CDH8: variants seen among roughly 807,000 people sequenced by gnomAD.
The protein encoded by CDH8 is cadherin-8.
Under a neutral mutation model 68.1 loss-of-function variants are expected in CDH8, and 17 were observed. That is an observed-to-expected ratio of 0.25 (90% CI 0.17 to 0.37). CDH8 has a LOEUF of 0.37. CDH8 is among the 10% of genes least tolerant of loss of function. The pLI is 1.00. For synonymous variants in CDH8, 372 were observed against 365.1 expected, an observed-to-expected ratio of 1.02 and a Z score of -0.21; for missense variants, 763 against 999.3, an observed-to-expected ratio of 0.76 and a Z score of 3.19.
chr16:61,725,771 T>C (rs542990537), intron 9 of CDH8: 1 of 151,120 alleles, frequency 6.6e-6, no homozygotes, highest in South Asian at 2.1e-4. Context: ...TTTAAGCTAA[T>C]GTTAGAATAT....
At chr16:61,838,996 ATAAG>A (rs1395062439) in intron 4 of CDH8, among the ~76,000 whole-genome samples, 1 of 152,130 alleles carries the variant, frequency 6.6e-6, no homozygotes, top group East Asian at 1.9e-4. Context: ...GTACAGCATA[ATAAG>A]TGACTTACTC....
chr16:61,831,749 A>T (rs1962459056), intron 4 of CDH8, among the ~76,000 whole-genome samples: 1 of 151,776 alleles, frequency 6.6e-6, no homozygotes, highest in Non-Finnish European at 1.5e-5. Context: ...TGTCATTTTG[A>T]AGGCTGATTA....
At chr16:62,024,028 T>A (rs1373072981) in intron 1 of CDH8, among the ~76,000 whole-genome samples, 2 of 152,200 alleles carry the variant, frequency 1.3e-5, no homozygotes, top group East Asian at 3.9e-4. Flanking sequence ...CTATTATTTT[T>A]AGAATTGGGG....
At chr16:61,683,722 G>A (rs1964053670) in intron 10 of CDH8, among the ~76,000 whole-genome samples, 1 of 151,926 alleles carries the variant, frequency 6.6e-6, no homozygotes, top group South Asian at 2.1e-4. Flanking sequence ...ATTTCTCACT[G>A]CCCTCCCATT....
At chr16:61,753,239 CTTT>C (rs59736911) in intron 8 of CDH8, among the ~76,000 whole-genome samples, 1 of 143,976 alleles carries the variant, frequency 6.9e-6, no homozygotes, top group Non-Finnish European at 1.5e-5. Flanking sequence ...ATATTTCTTT[CTTT>C]TTTTTTTTTT....
At chr16:61,689,178 C>T (rs1210012388) in intron 10 of CDH8, among the ~76,000 whole-genome samples, 3 of 151,998 alleles carry the variant, frequency 2.0e-5, no homozygotes, top group Non-Finnish European at 4.4e-5. Context: ...AACTGTCCTT[C>T]TCTCTGTTAC....
At chr16:61,655,844 T>A in intron 10 of CDH8, 123 bp from the exon 11 acceptor site, 1 of 769,650 alleles carries the variant, frequency 1.3e-6, no homozygotes, top group Non-Finnish European at 2.0e-6. Flanking sequence ...AAAGGACTGC[T>A]CAGGCTTTTT....
intron 2 of CDH8, among the ~76,000 whole-genome samples, chr16:61,968,669 A>G (rs534026646): frequency 4.6e-5 from 7 of 152,372 alleles, no homozygotes; most frequent in African/African-American, 1.7e-4. Context: ...GACTCCAAGC[A>G]TAATAAACTC....
At chr16:61,941,622 A>G (rs538821577) in intron 2 of CDH8, among the ~76,000 whole-genome samples, 7 of 152,268 alleles carry the variant, frequency 4.6e-5, no homozygotes, top group Admixed American at 2.6e-4. Flanking sequence ...GATAACTTTT[A>G]GTAGAGACAG....
At chr16:61,793,813 A>T (rs2142995144) in intron 7 of CDH8, among the ~76,000 whole-genome samples, 1 of 152,098 alleles carries the variant, frequency 6.6e-6, no homozygotes, top group African/African-American at 2.4e-5. Context: ...TCTCTAGGTA[A>T]CTGAGGAATC....
At chr16:62,014,775 G>A (rs1369249517) in intron 2 of CDH8, among the ~76,000 whole-genome samples, 2 of 152,114 alleles carry the variant, frequency 1.3e-5, no homozygotes, top group African/African-American at 4.8e-5. Context: ...CAGCAAGAGA[G>A]TTACATCCAA....
chr16:61,917,755 C>A (rs990008810), intron 2 of CDH8, among the ~76,000 whole-genome samples: 3 of 152,122 alleles, frequency 2.0e-5, no homozygotes, highest in African/African-American at 7.2e-5. Context: ...ACCTTCTTTG[C>A]ACAGGGTACT....
At chr16:61,929,981 C>T (rs1205191834) in intron 2 of CDH8, among the ~76,000 whole-genome samples, 1 of 152,110 alleles carries the variant, frequency 6.6e-6, no homozygotes, top group Non-Finnish European at 1.5e-5. Context: ...AAAGTATAGT[C>T]ATAAGTCAGT....
At chr16:61,865,233 T>A (rs1963232715) in intron 3 of CDH8, among the ~76,000 whole-genome samples, 1 of 152,164 alleles carries the variant, frequency 6.6e-6, no homozygotes, top group African/African-American at 2.4e-5. Context: ...ATTTGGGACA[T>A]AAACCGGGGA....
intron 4 of CDH8, among the ~76,000 whole-genome samples, chr16:61,851,426 T>C (rs1346761767): frequency 1.3e-5 from 2 of 152,114 alleles, no homozygotes; most frequent in African/African-American, 4.8e-5. Flanking sequence ...GAGCAAAGTT[T>C]AGGCTGTTCT....
chr16:61,898,456 C>T (rs1963907873), intron 3 of CDH8, among the ~76,000 whole-genome samples: 1 of 152,130 alleles, frequency 6.6e-6, no homozygotes, highest in African/African-American at 2.4e-5. Flanking sequence ...GTGTATCTAC[C>T]AAAGTCATAT....
chr16:61,914,881 C>T (rs1427736207), intron 2 of CDH8, among the ~76,000 whole-genome samples: 1 of 152,098 alleles, frequency 6.6e-6, no homozygotes, highest in East Asian at 1.9e-4. Flanking sequence ...TATCTTGGTC[C>T]CGTGAGACCT....
At chr16:61,796,175 G>C (rs1237620979) in intron 7 of CDH8, among the ~76,000 whole-genome samples, 1 of 151,822 alleles carries the variant, frequency 6.6e-6, no homozygotes, top group East Asian at 1.9e-4. Flanking sequence ...AAAGGGAATA[G>C]ATAAGAGAGA....
chr16:61,826,437 T>C (rs1366251397), intron 4 of CDH8, among the ~76,000 whole-genome samples: 2 of 151,858 alleles, frequency 1.3e-5, no homozygotes, highest in African/African-American at 4.8e-5. Context: ...CCCATATTGC[T>C]AAATGTCCAT....
Sources: allele counts gnomAD v4.1 joint callset (sites outside exome capture counted in the v4.1 genomes callset), GRCh38; gene constraint gnomAD v4.1.1; transcripts MANE v1.5; gene names NCBI Gene and HGNC (gene_info 2026-07-23, HGNC 2026-07-21).